Variants in C14orf39 observed in about 807,000 individuals in gnomAD.
C14orf39 encodes chromosome 14 open reading frame 39.
A neutral mutation model predicts 85.6 loss-of-function variants in C14orf39; 66 were observed. That is an observed-to-expected ratio of 0.77 (90% CI 0.63 to 0.95). The LOEUF (loss-of-function observed/expected upper bound fraction) is 0.95, where lower values mean the gene tolerates loss of function less well. Among genes scored for constraint, C14orf39 ranks in the 40% least tolerant of loss-of-function variants. The probability of loss-of-function intolerance (pLI) is 0.00; values close to 1 mark genes in which losing one functional copy is unlikely to be tolerated. For synonymous variants in C14orf39, 242 were observed against 214.0 expected, an observed-to-expected ratio of 1.13 and a Z score of -1.14; for missense variants, 735 against 663.9, an observed-to-expected ratio of 1.11 and a Z score of -1.18.
At chr14:60,474,200 T>A (rs1207058491) in intron 5 of C14orf39, among the ~76,000 whole-genome samples, 1 of 151,512 alleles carries the variant, frequency 6.6e-6, no homozygotes, top group Admixed American at 6.6e-5. Context: ...ATTTGGCTGT[T>A]TGTCTGTTAT....
At chr14:60,441,944 G>A in intron 17 of C14orf39, 130 bp downstream of exon 17, 1 of 598,956 alleles carries the variant, frequency 1.7e-6, no homozygotes, top group South Asian at 2.8e-5. Context: ...AAGAATATCA[G>A]TGAGTAGTGC....
At chr14:60,505,841 A>G (rs1215851574) in intron 1 of C14orf39, among the ~76,000 whole-genome samples, 1 of 152,220 alleles carries the variant, frequency 6.6e-6, no homozygotes, top group Non-Finnish European at 1.5e-5. Context: ...GGCAAATGTG[A>G]GCAGGGTGTG....
intron 1 of C14orf39, among the ~76,000 whole-genome samples, chr14:60,513,392 A>C (rs1375632433): frequency 6.6e-6 from 1 of 152,108 alleles, no homozygotes; most frequent in Non-Finnish European, 1.5e-5. Context: ...CCAGGAGGGG[A>C]CTCACGGTCA....
intron 5 of C14orf39, among the ~76,000 whole-genome samples, chr14:60,473,171 T>A (rs370659673): frequency 2.6e-5 from 4 of 152,250 alleles, no homozygotes; most frequent in African/African-American, 9.6e-5. Context: ...ATGAGCATTT[T>A]TTCATGTGTC....
At chr14:60,470,166 C>A (rs1346320129) in intron 7 of C14orf39, among the ~76,000 whole-genome samples, 1 of 151,722 alleles carries the variant, frequency 6.6e-6, no homozygotes, top group Non-Finnish European at 1.5e-5. Flanking sequence ...CTACAGAACT[C>A]AAAAGACAGG....
At chr14:60,503,839 T>C (rs908105443) in intron 1 of C14orf39, among the ~76,000 whole-genome samples, 4 of 152,226 alleles carry the variant, frequency 2.6e-5, no homozygotes, top group Non-Finnish European at 5.9e-5. Context: ...CAAGATGAAA[T>C]TGAAAGTGCT....
chr14:60,446,592 G>A (rs556616108), intron 16 of C14orf39, among the ~76,000 whole-genome samples: 1 of 152,060 alleles, frequency 6.6e-6, no homozygotes, highest in African/African-American at 2.4e-5. Context: ...AGGACCAGAC[G>A]GAATCACAAC....
At chr14:60,497,438 A>C (rs1893084110) in intron 2 of C14orf39, among the ~76,000 whole-genome samples, 1 of 152,294 alleles carries the variant, frequency 6.6e-6, no homozygotes, top group Middle Eastern at 3.4e-3. Context: ...AGGTTACAGC[A>C]ACAGTTTGTC....
chr14:60,454,974 A>T, intron 16 of C14orf39, 27 bp downstream of exon 16: 2 of 1,465,288 alleles, frequency 1.4e-6, no homozygotes, highest in Non-Finnish European at 1.8e-6. Context: ...AATTTTTAGA[A>T]ATAAAACTTT....
chr14:60,514,217 G>C (rs1019098328), intron 1 of C14orf39, among the ~76,000 whole-genome samples: 1 of 152,090 alleles, frequency 6.6e-6, no homozygotes, highest in Admixed American at 6.5e-5. Context: ...GCTTCATTCT[G>C]GTCTTCAGGG....
rs1384415413 is a variant in C14orf39, at chr14:60,436,558, TTAAA to T, written c.*283_*286del. 1.5e-5 allele frequency: 3 copies of T among 200,500 alleles called. No individual in the cohort carries two copies. The highest frequency in any genetic ancestry group is 7.0e-5 in the African/African-American group (3 of 42,620). The allele number at this position is 200,500 out of a possible 1,614,324, so 12.4% of individuals were successfully genotyped here. ...TTCCAAGGAGAAGCAGGCTTAATATTTAAATAAAGAGTAATGAAAAAAGCATCAA... is the reference window on the plus strand; with the variant it reads ...TTCCAAGGAGAAGCAGGCTTAATATTTAAAGAGTAATGAAAAAAGCATCAA... On this transcript the variant is annotated 3_prime_UTR_variant, in exon 18 of 18. Coordinates refer to ENST00000321731, the MANE Select transcript of C14orf39 (RefSeq NM_174978.3).
rs10529202 is a variant in C14orf39 at position 60,465,851 on chromosome 14, A to AAC, written c.972+126_972+127dup. On this transcript the variant is annotated intron_variant, in intron 11 of 17. Transcript: ENST00000321731. ...CTAATGGCTGATTTAATAAATTTAT[A>AAC]ACACACACACACACACACACACACA... 551 of 414,882 alleles carry AAC rather than the reference A, an allele frequency of 1.3e-3. 2 individuals carry two copies. The highest frequency in any genetic ancestry group is 9.6e-3 in the South Asian group (124 of 12,936). The allele number at this position is 414,882 out of a possible 1,614,324, so 25.7% of individuals were successfully genotyped here.
At chr14:60,504,713 A>G (rs753700399) in intron 1 of C14orf39, among the ~76,000 whole-genome samples, 3 of 152,230 alleles carry the variant, frequency 2.0e-5, no homozygotes, top group Non-Finnish European at 4.4e-5. Context: ...TGCTGTAAAC[A>G]TTTAGGCTTG....
intron 1 of C14orf39, among the ~76,000 whole-genome samples, chr14:60,500,643 T>C (rs1595495881): frequency 6.6e-6 from 1 of 152,160 alleles, no homozygotes; most frequent in East Asian, 1.9e-4. Context: ...CGAAATGTTA[T>C]CAGGAAAAGG....
Position 60,467,009 on chromosome 14 carries a change from T to G in C14orf39, c.803A>C (p.Asn268Thr). 6.9e-7 allele frequency: 1 copy of G among 1,447,894 alleles called. No homozygotes were observed. The highest frequency in any genetic ancestry group is 9.2e-7 in the Non-Finnish European group (1 of 1,088,852). The allele number at this position is 1,447,894 out of a possible 1,614,324, so 89.7% of individuals were successfully genotyped here. A position where few individuals can be genotyped will look rare whatever the true frequency, so the allele number is the denominator to read the frequency against. ...AAATAATTGACTGCTTTGAGTTTTA[T>G]TCAATGTAAGTACATGCTCATCTTT... Reference protein sequence around the residue: ...FGKDEHVLTLNKTQSSQLFLP... With the variant: ...FGKDEHVLTLTKTQSSQLFLP... Residue 268 changes from asparagine to threonine, a missense_variant, in exon 10 of 18, where the codon AAT (asparagine) becomes ACT (threonine). Asn to Thr is a moderately conservative substitution (Grantham distance 65, BLOSUM62 0). Coordinates refer to ENST00000321731, the MANE Select transcript of C14orf39 (RefSeq NM_174978.3).
chr14:60,436,968 T>TC lies in C14orf39; in HGVS notation c.1640dup (p.Ala548SerfsTer5). 6.2e-7 allele frequency: 1 copy of TC among 1,613,080 alleles called. No homozygotes were observed. The highest frequency in any genetic ancestry group is 8.5e-7 in the Non-Finnish European group (1 of 1,179,356). ...GAAAACTAAAATCATCTTTTCCAGC[T>TC]CCAAATGTATGAGTTGAAGTGTCTG... On this transcript the variant is annotated frameshift_variant, in exon 18 of 18. Transcript: ENST00000321731. LOFTEE classifies it high-confidence loss of function.
intron 14 of C14orf39, 77 bp downstream of exon 14, chr14:60,458,601 A>T (rs1891382883): frequency 2.9e-6 from 3 of 1,037,758 alleles, no homozygotes; most frequent in Non-Finnish European, 4.4e-6. Flanking sequence ...CACTGTACTA[A>T]ATCTGAAATT....
chr14:60,484,756 C>A lies in C14orf39; in HGVS notation c.106+125G>T. ...CGTCTAGGGTAAATAGTTTATTTGT[C>A]GCTAGAGAGAACTGACACAAAAGTT... On this transcript the variant is annotated intron_variant, in intron 3 of 17. Transcript: ENST00000321731. This position sits in a 1 kb window ranked among gnomAD's most constrained non-coding sequence, Gnocchi z 4.2. 1 of 651,292 alleles carries A rather than the reference C, an allele frequency of 1.5e-6. No homozygotes were observed. The allele number at this position is 651,292 out of a possible 1,614,324, so 40.3% of individuals were successfully genotyped here. A position where few individuals can be genotyped will look rare whatever the true frequency, so the allele number is the denominator to read the frequency against.
At chr14:60,510,968 T>C in intron 1 of C14orf39, 1 of 1,070,552 alleles carries the variant, frequency 9.3e-7, no homozygotes, top group Non-Finnish European at 1.4e-6. Context: ...CCTTAACTGC[T>C]GGGGTCTTCG....
Sources: allele counts gnomAD v4.1 joint callset (sites outside exome capture counted in the v4.1 genomes callset), GRCh38; gene constraint gnomAD v4.1.1; non-coding constraint Gnocchi (gnomAD v3.1); transcripts MANE v1.5; gene names NCBI Gene and HGNC (gene_info 2026-07-23, HGNC 2026-07-21).